The following CIB1 variants were observed in gnomAD, a reference collection of about 807,000 sequenced individuals.
CIB1 encodes calcium and integrin binding 1.
In CIB1, 19 loss-of-function variants were observed where a neutral mutation model predicts 25.0. That is an observed-to-expected ratio of 0.76 (90% CI 0.53 to 1.12). The LOEUF (loss-of-function observed/expected upper bound fraction) is 1.12, where lower values mean the gene tolerates loss of function less well. Ranked by LOEUF, CIB1 falls within the 50% of genes most tolerant of loss-of-function variation. The probability of loss-of-function intolerance (pLI) is 0.00; values close to 1 mark genes in which losing one functional copy is unlikely to be tolerated. For missense variants in CIB1, 236 were observed against 242.6 expected, an observed-to-expected ratio of 0.97 and a Z score of 0.18; for synonymous variants, 104 against 98.5, an observed-to-expected ratio of 1.06 and a Z score of -0.33.
chr15:90,257,252 C>T, the CIB1 span: 1 of 1,613,654 alleles, frequency 6.2e-7, no homozygotes, highest in East Asian at 2.2e-5. Context: ...TGCCACCACG[C>T]CCTATATGGA....
At chr15:90,252,100 C>T in the CIB1 span, among the ~76,000 whole-genome samples, 1 of 146,132 alleles carries the variant, frequency 6.8e-6, no homozygotes, top group Non-Finnish European at 1.5e-5. Flanking sequence ...AATGCAATGG[C>T]GTGATCTCGA....
Position 90,231,184 on chromosome 15 carries a change from CT to C in CIB1, c.375del (p.Glu126LysfsTer3). 1 of 1,613,410 alleles carries C rather than the reference CT, an allele frequency of 6.2e-7. No homozygotes were observed. Among genetic ancestry groups the C allele is most frequent in the Non-Finnish European group, 8.5e-7 (1 of 1,179,926 alleles). ...CAGTTCACCAGCCGGCTCAGGTCTTCTCTGTTCAAGGTTCCGTCATCATCAA... is the reference window on the plus strand; with the variant it reads ...CAGTTCACCAGCCGGCTCAGGTCTTCCTGTTCAAGGTTCCGTCATCATCAA... Reference protein sequence around the residue: ...FDFDDDGTLNREDLSRLVNCL... With the variant: ...FDFDDDGTLNXEDLSRLVNCL... On this transcript the variant is annotated frameshift_variant, in exon 5 of 7. Transcript: ENST00000328649. LOFTEE classifies it high-confidence loss of function.
At chr15:90,257,030 A>G in the CIB1 span, 2 of 1,093,132 alleles carry the variant, frequency 1.8e-6, no homozygotes, top group Non-Finnish European at 2.6e-6. Context: ...ACTATTTTAC[A>G]TGGTTATTGT....
chr15:90,256,569 CT>C, the CIB1 span, among the ~76,000 whole-genome samples: 6 of 33,296 alleles, frequency 1.8e-4, no homozygotes, highest in African/African-American at 7.2e-4. Context: ...TTCTTTCTTT[CT>C]TTCTTTCTTT....
chr15:90,244,089 G>A, the CIB1 span: 3 of 152,188 alleles, frequency 2.0e-5, no homozygotes, highest in African/African-American at 7.2e-5. Flanking sequence ...AAAACGGGAT[G>A]GAGACTGACA....
At chr15:90,234,484 C>G (rs1464670288), upstream of CIB1, 1 of 152,310 alleles carries the variant, frequency 6.6e-6, no homozygotes, top group Non-Finnish European at 1.5e-5. Flanking sequence ...CCCAAGCCAC[C>G]TCTTCCAGAA....
chr15:90,250,916 C>T, the CIB1 span: 9 of 1,607,986 alleles, frequency 5.6e-6, no homozygotes, highest in African/African-American at 1.1e-4. Context: ...CCCTCAACTG[C>T]CCAGCTCCAG....
the CIB1 span, among the ~76,000 whole-genome samples, chr15:90,260,537 T>C: frequency 2.0e-5 from 3 of 151,072 alleles, no homozygotes; most frequent in African/African-American, 4.9e-5. Context: ...TATTGTTGCA[T>C]TATTTCATTT....
chr15:90,230,828 G>C (rs1962461007), intron 6 of CIB1, 106 bp downstream of exon 6: 1 of 1,036,394 alleles, frequency 9.6e-7, no homozygotes, highest in Non-Finnish European at 1.5e-6. Context: ...GTGGGGACTG[G>C]GGCTTTCTCT....
chr15:90,263,009 T>C, the CIB1 span: 1 of 1,535,972 alleles, frequency 6.5e-7, no homozygotes, highest in Non-Finnish European at 8.7e-7. Flanking sequence ...CAAGAAATTG[T>C]GGAAGAGGAG....
the CIB1 span, chr15:90,264,977 G>A: frequency 3.9e-6 from 6 of 1,531,218 alleles, no homozygotes; most frequent in Non-Finnish European, 4.4e-6. Flanking sequence ...AAAGCAGGAG[G>A]GAAGCACTCT....
chr15:90,256,543 C>CTTTT, the CIB1 span, among the ~76,000 whole-genome samples: 1 of 141,100 alleles, frequency 7.1e-6, no homozygotes, highest in Non-Finnish European at 1.5e-5. Context: ...TGTCTCCTTC[C>CTTTT]TTTTTCTTTC....
At chr15:90,265,333 A>C in the CIB1 span, 2 of 1,223,016 alleles carry the variant, frequency 1.6e-6, no homozygotes, top group Non-Finnish European at 2.0e-6. Context: ...TGCCCAAGGC[A>C]CTGGGCTGTC....
the CIB1 span, chr15:90,245,133 A>G: frequency 6.6e-6 from 1 of 152,222 alleles, no homozygotes; most frequent in Non-Finnish European, 1.5e-5. Context: ...TGATGTTACA[A>G]AGTCTCCCTG....
chr15:90,251,978 C>T, the CIB1 span, among the ~76,000 whole-genome samples: 8 of 151,848 alleles, frequency 5.3e-5, no homozygotes, highest in Non-Finnish European at 1.0e-4. Context: ...GAGCTCAAGC[C>T]GTCTTCCTAT....
rs751070050 is a variant in CIB1 at position 90,232,221 on chromosome 15, T to C, written c.193A>G (p.Lys65Glu). The C allele has an allele frequency of 9.3e-6, 15 of 1,608,844 alleles. No individual in the cohort carries two copies. The East Asian group carries it at 2.9e-4, about 31-fold the overall frequency. Residue 65 changes from lysine (K) to glutamate (E), a missense_variant and splice_region_variant, in exon 3 of 7, where the codon AAG becomes GAG. Transcript: ENST00000328649. ...TCAAAGGAGGGGAGCGCTTGCACCT[T>C]GAGCTCTGGAAGGCTGAGAATCTGC... ...FEQILSLPEL[K>E]ANPFKERICR...
chr15:90,263,967 A>G, the CIB1 span: 5 of 1,536,024 alleles, frequency 3.3e-6, no homozygotes, highest in South Asian at 1.2e-5. Flanking sequence ...TCAACTGGAC[A>G]GGAGAGCCGG....
the CIB1 span, among the ~76,000 whole-genome samples, chr15:90,256,561 C>CT: frequency 2.5e-5 from 1 of 40,248 alleles, no homozygotes; most frequent in Non-Finnish European, 4.7e-5. Flanking sequence ...TTCTTTCTTT[C>CT]TTTCTTTCTT....
chr15:90,257,376 G>T, the CIB1 span: 7 of 1,490,552 alleles, frequency 4.7e-6, no homozygotes, highest in Non-Finnish European at 6.3e-6. Flanking sequence ...TGTCACCAAA[G>T]AACAAGGAAT....
Sources: allele counts gnomAD v4.1 joint callset (sites outside exome capture counted in the v4.1 genomes callset), GRCh38; gene constraint gnomAD v4.1.1; transcripts MANE v1.5; gene names NCBI Gene and HGNC (gene_info 2026-07-23, HGNC 2026-07-21).